ADGRG1: variants seen among roughly 807,000 people sequenced by gnomAD.
ADGRG1 encodes the protein adhesion G protein-coupled receptor G1, also known as 7-transmembrane protein with no EGF-like N-terminal domains-1.
In ADGRG1, 53 loss-of-function variants were observed where a neutral mutation model predicts 73.5. The observed-to-expected ratio is 0.72, with a 90% confidence interval of 0.58 to 0.91. The LOEUF (loss-of-function observed/expected upper bound fraction) is 0.91, where lower values mean the gene tolerates loss of function less well. ADGRG1 is among the 40% of genes least tolerant of loss of function. The pLI, the probability that ADGRG1 is intolerant of heterozygous loss-of-function variation, is 0.00. For missense variants in ADGRG1, 795 were observed against 871.8 expected (o/e 0.91, Z 1.11); for synonymous variants, 394 against 374.4 (o/e 1.05, Z -0.60).
At chr16:57,644,905 T>TCC (rs2147945135) in intron 1 of ADGRG1, among the ~76,000 whole-genome samples, 1 of 121,280 alleles carries the variant, frequency 8.2e-6, no homozygotes, top group East Asian at 3.2e-4. Context: ...CACACACTCA[T>TCC]CACTTCATAA....
chr16:57,644,127 C>G, intron 1 of ADGRG1: 3 of 982,026 alleles, frequency 3.1e-6, no homozygotes, highest in Non-Finnish European at 3.6e-6. Flanking sequence ...CTGTCCCCTT[C>G]CCAGCTTTGA....
intron 1 of ADGRG1, chr16:57,641,608 C>T (rs1338944203): frequency 5.3e-6 from 5 of 941,524 alleles, no homozygotes; most frequent in Non-Finnish European, 6.3e-6. Context: ...CTCTGTCACA[C>T]AGGCTGGAGT....
intron 13 of ADGRG1, 73 bp downstream of exon 13, chr16:57,662,038 C>A: frequency 8.0e-7 from 1 of 1,254,032 alleles, no homozygotes; most frequent in Non-Finnish European, 1.2e-6. Flanking sequence ...AGAGATCACC[C>A]AGGGAACCTG....
At chr16:57,656,388 G>A in intron 8 of ADGRG1, 117 bp downstream of exon 8, 2 of 1,610,490 alleles carry the variant, frequency 1.2e-6, no homozygotes, top group South Asian at 2.2e-5. Flanking sequence ...GGACTTTGAA[G>A]AGAGAGCGAT....
At chr16:57,654,427 T>TG (rs2045051575) in intron 5 of ADGRG1, among the ~76,000 whole-genome samples, 1 of 139,484 alleles carries the variant, frequency 7.2e-6, no homozygotes, top group Non-Finnish European at 1.6e-5. Flanking sequence ...CCCCCGTTTT[T>TG]TTTTTTTCGA....
upstream of ADGRG1, chr16:57,625,435 G>C (rs551622614): frequency 2.2e-5 from 5 of 227,860 alleles, no homozygotes; most frequent in African/African-American, 4.7e-5. Context: ...GTCGGGTTGT[G>C]GGGGGTGGGG....
intron 1 of ADGRG1, chr16:57,635,043 C>T (rs1169118902): frequency 1.0e-6 from 1 of 985,082 alleles, no homozygotes; most frequent in African/African-American, 1.7e-5. Flanking sequence ...GGGAGAGGGA[C>T]CCAGCTGAAG....
intron 1 of ADGRG1, chr16:57,647,357 C>T (rs1022699132): frequency 1.0e-5 from 10 of 981,534 alleles, no homozygotes; most frequent in South Asian, 4.7e-5. Flanking sequence ...TGCTGGGGGC[C>T]GTACGGGAAG....
chr16:57,639,656 C>T (rs1360074215), intron 1 of ADGRG1: 50 of 985,610 alleles, frequency 5.1e-5, no homozygotes, highest in Non-Finnish European at 5.4e-5. Flanking sequence ...TGCCTGATGC[C>T]ACAAAGGAGT....
intron 3 of ADGRG1, 72 bp from the exon 4 acceptor site, chr16:57,653,131 A>G: frequency 6.3e-7 from 1 of 1,597,646 alleles, no homozygotes; most frequent in Non-Finnish European, 8.5e-7. Flanking sequence ...TCAGGGTGGT[A>G]GGGGGCAGAA....
intron 12 of ADGRG1, 115 bp downstream of exon 12, chr16:57,660,991 A>G: frequency 1.3e-6 from 1 of 749,096 alleles, no homozygotes; most frequent in South Asian, 1.5e-5. Flanking sequence ...AGTCTCCTCG[A>G]GGAATTGGCC....
chr16:57,637,799 C>T, intron 1 of ADGRG1: 1 of 667,936 alleles, frequency 1.5e-6, no homozygotes, highest in Non-Finnish European at 1.9e-6. Context: ...TGCTGCCTTT[C>T]CCATGGCCTC....
chr16:57,642,455 C>T (rs1030092080), intron 1 of ADGRG1: 34 of 985,206 alleles, frequency 3.5e-5, no homozygotes, highest in Non-Finnish European at 3.7e-5. Context: ...TGGCAGGCTT[C>T]TGTGTGGCGT....
At chr16:57,635,530 C>G in intron 1 of ADGRG1, 1 of 985,320 alleles carries the variant, frequency 1.0e-6, no homozygotes, top group Non-Finnish European at 1.2e-6. Context: ...TCTCTGTCTA[C>G]CTACCTGGGT....
chr16:57,644,735 T>C (rs1420938661), intron 1 of ADGRG1, among the ~76,000 whole-genome samples: 1 of 85,558 alleles, frequency 1.2e-5, no homozygotes, highest in African/African-American at 4.9e-5. Flanking sequence ...TGGCACACAC[T>C]GATCACACGT....
upstream of ADGRG1, chr16:57,626,813 G>A (rs112896705): frequency 4.5e-4 from 440 of 982,674 alleles, 4 homozygotes; most frequent in African/African-American, 6.6e-3. Flanking sequence ...AGGCCCTGAA[G>A]GACTGACCTT....
rs1222015070 is a variant in ADGRG1 at position 57,633,330 on chromosome 16, G to A, written c.-36+4528G>A. ...ACTTAGGCTCAAATCCTTGAAAAAT[G>A]ACTTAGAGCAAGCGGCTGAATTTCT... On this transcript the variant is annotated intron_variant, in intron 1 of 13. Transcript: ENST00000562631. 6.1e-6 allele frequency: 6 copies of A among 984,978 alleles called. No individual in the cohort carries two copies. In the African/African-American group the frequency reaches 1.0e-4, roughly 17 times the overall value. 61.0% of individuals were successfully genotyped at this position (984,978 alleles called of 1,614,324 possible). A position where few individuals can be genotyped will look rare whatever the true frequency, so the allele number is the denominator to read the frequency against.
chr16:57,631,517 G>C, intron 1 of ADGRG1: 1 of 985,562 alleles, frequency 1.0e-6, no homozygotes, highest in Non-Finnish European at 1.2e-6. Context: ...CCAAACCCCA[G>C]CACCACCTCC....
chr16:57,625,734 C>T (rs35562345), upstream of ADGRG1: 14,523 of 834,786 alleles, frequency 0.017, 254 homozygotes, highest in East Asian at 0.16. Flanking sequence ...TCTCCCTACC[C>T]AAACATCTTC....
Sources: allele counts gnomAD v4.1 joint callset (sites outside exome capture counted in the v4.1 genomes callset), GRCh38; gene constraint gnomAD v4.1.1; transcripts MANE v1.5; gene names NCBI Gene and HGNC (gene_info 2026-07-23, HGNC 2026-07-21).